Variants in PCDHGB5 observed in about 807,000 individuals in gnomAD.
PCDHGB5 encodes protocadherin gamma-B5.
PCDHGB5 carries 48 observed loss-of-function variants against 62.9 expected under a neutral mutation model. The ratio of observed to expected loss-of-function variants is 0.76; its 90% CI spans 0.61 to 0.97. PCDHGB5 has a LOEUF of 0.97. Ranked by LOEUF, PCDHGB5 falls within the 50% of genes least tolerant of loss-of-function variation. The pLI, the probability that PCDHGB5 is intolerant of heterozygous loss-of-function variation, is 0.00. For synonymous variants in PCDHGB5, 474 were observed against 511.2 expected, an observed-to-expected ratio of 0.93 and a Z score of 0.98; for missense variants, 1,118 against 1,198.6, an observed-to-expected ratio of 0.93 and a Z score of 0.99.
rs568472427 is a variant in PCDHGB5, at chr5:141,460,924, A to G, written c.2398-33883A>G. 3.3e-4 allele frequency among the ~76,000 whole-genome samples: 50 copies of G among 150,592 alleles called. No homozygotes were observed. The East Asian group carries it at 6.6e-3, about 20-fold the overall frequency. Reference sequence around the variant, plus strand: ...AATATTCCATGGTGTATATATATATATGTGTGTGTGTATATATATGTATTA... The same window carrying G: ...AATATTCCATGGTGTATATATATATGTGTGTGTGTGTATATATATGTATTA... On this transcript the variant is annotated intron_variant, in intron 1 of 3. Coordinates refer to ENST00000617380, the MANE Select transcript of PCDHGB5 (RefSeq NM_018925.3).
At chr5:141,437,459 C>T (rs749625924) in intron 1 of PCDHGB5, among the ~76,000 whole-genome samples, 1 of 152,140 alleles carries the variant, frequency 6.6e-6, no homozygotes, top group Admixed American at 6.5e-5. Context: ...GGAGACTATA[C>T]TATACTTTTA....
rs188874944 is a variant in PCDHGB5, at chr5:141,446,708, C to T, written c.2397+46184C>T. Among the ~76,000 whole-genome samples, 183 of 152,314 alleles carry T rather than the reference C, an allele frequency of 1.2e-3. 1 individual carries two copies. The highest frequency in any genetic ancestry group is 2.1e-3 in the Admixed American group (32 of 15,302). On this transcript the variant is annotated intron_variant, in intron 1 of 3. Coordinates refer to ENST00000617380, the MANE Select transcript of PCDHGB5 (RefSeq NM_018925.3). ...GGCCAGGCTGGTCTCGAACTCTGAT[C>T]TGCCCGCCTCGGCCTCCCAAAGTGT...
At position 141,423,488 on chromosome 5, in the gene PCDHGB5, A is replaced by G. The variant is rs141810253; in HGVS notation, c.2397+22964A>G. The G allele has an allele frequency of 9.2e-4, 1,481 of 1,613,946 alleles. 7 individuals carry two copies. The highest frequency in any genetic ancestry group is 3.0e-3 in the Middle Eastern group (18 of 6,062). On this transcript the variant is annotated intron_variant, in intron 1 of 3. Transcript: ENST00000617380. The stretch of plus-strand genomic sequence containing the variant: ...GGGGTACAGGCTTTCCTGCAAACCT[A>G]TTCCCACGAGGTCTCTCTCATTGCG...
rs2099402935 is a variant in PCDHGB5, at chr5:141,476,991, G to A, written c.2398-17816G>A. On this transcript the variant is annotated intron_variant, in intron 1 of 3. Transcript: ENST00000617380. The surrounding 1 kb of genome is among the most constrained non-coding windows in gnomAD (Gnocchi z 7.6). ...GGCAGCCACAACCGCGCCGGCGTGC[G>A]GCAACTATTCGCCTTAGACCTTGTA... 4 of 1,614,094 alleles carry A rather than the reference G, an allele frequency of 2.5e-6. No homozygotes were observed. Among genetic ancestry groups the A allele is most frequent in the Non-Finnish European group, 3.4e-6 (4 of 1,180,056 alleles).
chr5:141,450,903 C>T (rs1468232105), intron 1 of PCDHGB5, among the ~76,000 whole-genome samples: 3 of 151,086 alleles, frequency 2.0e-5, no homozygotes, highest in African/African-American at 7.3e-5. Context: ...CGGCTCACTG[C>T]AACCGCTGCC....
intron 1 of PCDHGB5, chr5:141,420,319 G>T (rs1393746531): frequency 7.0e-7 from 1 of 1,437,422 alleles, no homozygotes; most frequent in African/African-American, 1.4e-5. Context: ...ATTACAATAT[G>T]CCAATATATT....
At chr5:141,508,642 T>A (rs893357826) in intron 3 of PCDHGB5, among the ~76,000 whole-genome samples, 13 of 152,070 alleles carry the variant, frequency 8.5e-5, no homozygotes, top group Admixed American at 2.6e-4. Flanking sequence ...AGCTACTCCG[T>A]CAGGCCCTTC....
chr5:141,407,982 G>A (rs976187867), intron 1 of PCDHGB5: 3 of 782,892 alleles, frequency 3.8e-6, no homozygotes, highest in Non-Finnish European at 5.7e-6. Context: ...CCGGGGATCC[G>A]TCAGCCTCTG....
Position 141,419,652 on chromosome 5 carries a change from C to T in PCDHGB5, c.2397+19128C>T, listed in dbSNP as rs563445438. 15 of 1,612,592 alleles carry T rather than the reference C, an allele frequency of 9.3e-6. 1 individual carries two copies. In the Admixed American group the frequency reaches 1.3e-4, roughly 14 times the overall value. On this transcript the variant is annotated intron_variant, in intron 1 of 3. Transcript: ENST00000617380. ...AAGGTGGTGGCCGTGGACGCGGACT[C>T]GGGGCACAATGCCTGGCTGTCCTAC... is the stretch of plus-strand genomic sequence containing the variant.
intron 2 of PCDHGB5, among the ~76,000 whole-genome samples, chr5:141,498,451 T>C (rs1426888821): frequency 6.6e-6 from 1 of 152,126 alleles, no homozygotes; most frequent in Non-Finnish European, 1.5e-5. Context: ...AGGTTCCTTT[T>C]ATCCAGTCTA....
rs563283218 is a variant in PCDHGB5, at chr5:141,431,573, G to A, written c.2397+31049G>A. On this transcript the variant is annotated intron_variant, in intron 1 of 3. Coordinates refer to ENST00000617380, the MANE Select transcript of PCDHGB5 (RefSeq NM_018925.3). This position sits in a 1 kb window ranked among gnomAD's most constrained non-coding sequence, Gnocchi z 4.8. ...AGTCAACGCTACCGACCCTGACGAA[G>A]GAGTCAATGCGGAAGTGAGGTATTC... 5.6e-6 allele frequency: 9 copies of A among 1,614,186 alleles called. No homozygotes were observed. The South Asian group carries it at 8.8e-5, about 16-fold the overall frequency.
intron 1 of PCDHGB5, chr5:141,419,955 T>C: frequency 1.9e-6 from 3 of 1,614,096 alleles, no homozygotes; most frequent in Non-Finnish European, 2.5e-6. Flanking sequence ...TTGGCCTTGA[T>C]TTCTGTGCTC....
intron 3 of PCDHGB5, among the ~76,000 whole-genome samples, chr5:141,510,468 A>G (rs1246106107): frequency 2.0e-5 from 3 of 152,152 alleles, no homozygotes; most frequent in Admixed American, 2.0e-4. Flanking sequence ...TGTGGGAGTC[A>G]GAGGCTCCCT....
At chr5:141,454,685 C>A (rs1305853379) in intron 1 of PCDHGB5, among the ~76,000 whole-genome samples, 1 of 151,844 alleles carries the variant, frequency 6.6e-6, no homozygotes, top group Non-Finnish European at 1.5e-5. Context: ...GGATTACAGG[C>A]ATGAGCCACC....
intron 1 of PCDHGB5, chr5:141,440,921 G>C (rs1213425379): frequency 6.6e-6 from 1 of 152,260 alleles, no homozygotes; most frequent in Non-Finnish European, 1.5e-5. Context: ...TGTGCTGAGA[G>C]TGAGGGCCAC....
At chr5:141,451,060 C>T (rs1241509553) in intron 1 of PCDHGB5, among the ~76,000 whole-genome samples, 1 of 151,562 alleles carries the variant, frequency 6.6e-6, no homozygotes, top group African/African-American at 2.4e-5. Context: ...GAACTCCTGA[C>T]CTTGTGATCC....
At chr5:141,427,897 C>T (rs866283444) in intron 1 of PCDHGB5, 1 of 1,571,008 alleles carries the variant, frequency 6.4e-7, no homozygotes. Context: ...CAGGGCTCGC[C>T]CGCGCTCAGC....
intron 1 of PCDHGB5, among the ~76,000 whole-genome samples, chr5:141,457,029 C>G (rs2098904194): frequency 6.6e-6 from 1 of 152,170 alleles, no homozygotes; most frequent in Non-Finnish European, 1.5e-5. Flanking sequence ...TCCTAGTAGA[C>G]TCAGTGATAG....
chr5:141,403,241 G>C, intron 1 of PCDHGB5: 1 of 1,613,956 alleles, frequency 6.2e-7, no homozygotes. Flanking sequence ...GGAGCTCTGT[G>C]CTCAGAGCCC....
Sources: gnomAD v4.1 joint callset for allele counts (sites outside exome capture counted in the v4.1 genomes callset) on GRCh38, gnomAD v4.1.1 for gene constraint, Gnocchi (gnomAD v3.1) non-coding constraint, MANE v1.5 for transcripts, NCBI Gene and HGNC (gene_info 2026-07-23, HGNC 2026-07-21) for gene names.